Variants in CSMD3 observed in about 807,000 individuals in gnomAD.
The protein encoded by CSMD3 is CUB and Sushi multiple domains 3.
CSMD3 carries 177 observed loss-of-function variants against 435.2 expected under a neutral mutation model. The observed-to-expected ratio is 0.41, with a 90% CI of 0.36 to 0.46. CSMD3 has a LOEUF of 0.46. Ranked by LOEUF, CSMD3 falls within the 20% of genes least tolerant of loss-of-function variation. The pLI is 0.34. For synonymous variants in CSMD3, 1,656 were observed against 1,520.5 expected (o/e 1.09, Z -2.07); for missense variants, 4,265 against 4,504.6 (o/e 0.95, Z 1.52).
chr8:113,334,217 A>G (rs1048225170), intron 1 of CSMD3, among the ~76,000 whole-genome samples: 2 of 149,196 alleles, frequency 1.3e-5, no homozygotes. Flanking sequence ...ATTATTTTAG[A>G]TTCAGGGGGT....
intron 22 of CSMD3, among the ~76,000 whole-genome samples, chr8:112,599,744 T>C (rs1183774374): frequency 2.0e-5 from 3 of 151,222 alleles, no homozygotes. Context: ...TTGGAAATCA[T>C]CATTCTCAGT....
chr8:112,338,015 C>G (rs905427949), intron 42 of CSMD3, among the ~76,000 whole-genome samples: 3 of 152,212 alleles, frequency 2.0e-5, no homozygotes, highest in Non-Finnish European at 4.4e-5. Context: ...AAAATGTAAA[C>G]TCTTCTTAAA....
At chr8:113,285,079 A>T (rs1412774124) in intron 2 of CSMD3, among the ~76,000 whole-genome samples, 1 of 152,300 alleles carries the variant, frequency 6.6e-6, no homozygotes, top group Non-Finnish European at 1.5e-5. Flanking sequence ...ATAAAATTTT[A>T]ATCAGTTTTG....
In CSMD3 at chr8:112,737,725, A is replaced by G. The variant is rs546863267; in HGVS notation, c.1973-47675T>C. ...AAGTGGCTGAATGTGCTAAAAACAA[A>G]TCTGGACAACATAACAGCTGACCCT... On this transcript the variant is annotated intron_variant, in intron 13 of 70. Coordinates refer to ENST00000297405, the MANE Select transcript of CSMD3 (RefSeq NM_198123.2). Among the ~76,000 whole-genome samples, 9 of 152,012 alleles carry G rather than the reference A, an allele frequency of 5.9e-5. No homozygotes were observed. The East Asian group carries it at 1.4e-3, about 23-fold the overall frequency.
intron 18 of CSMD3, among the ~76,000 whole-genome samples, chr8:112,654,875 A>T (rs1776119284): frequency 6.6e-6 from 1 of 152,198 alleles, no homozygotes; most frequent in South Asian, 2.1e-4. Context: ...ATTAATTACT[A>T]GTGAGAATTA....
At chr8:112,838,929 C>T (rs1272118510) in intron 11 of CSMD3, among the ~76,000 whole-genome samples, 1 of 151,654 alleles carries the variant, frequency 6.6e-6, no homozygotes, top group Non-Finnish European at 1.5e-5. Context: ...TATGACACAT[C>T]AGAATTCCTT....
rs1156977209 is a variant in CSMD3 at position 113,334,975 on chromosome 8, T to A, written c.179-20182A>T. On this transcript the variant is annotated intron_variant, in intron 1 of 70. Transcript: ENST00000297405. Reference sequence around the variant, plus strand: ...TATGTCCTCACCAAATCAAATTATATCCCCAATGTTGGAGGTGGGGCCTGA... The same window carrying A: ...TATGTCCTCACCAAATCAAATTATAACCCCAATGTTGGAGGTGGGGCCTGA... Among the ~76,000 whole-genome samples, 3 of 152,196 alleles carry A rather than the reference T, an allele frequency of 2.0e-5. No individual in the cohort carries two copies. In the South Asian group the frequency reaches 6.2e-4, roughly 32 times the overall value.
chr8:112,433,292 G>A (rs1322580666), intron 32 of CSMD3, among the ~76,000 whole-genome samples: 3 of 151,886 alleles, frequency 2.0e-5, no homozygotes, highest in Admixed American at 6.6e-5. Flanking sequence ...TATCAGTTGT[G>A]TGGGACAGAA....
intron 6 of CSMD3, among the ~76,000 whole-genome samples, chr8:113,009,059 C>T (rs2086161714): frequency 6.6e-6 from 1 of 151,194 alleles, no homozygotes; most frequent in African/African-American, 2.4e-5. Context: ...ATTATTTTTG[C>T]CTATTTCTTA....
chr8:113,264,430 T>C (rs1408268094), intron 3 of CSMD3, among the ~76,000 whole-genome samples: 3 of 151,064 alleles, frequency 2.0e-5, no homozygotes, highest in Admixed American at 6.6e-5. Context: ...AGGAAATTCA[T>C]TGTGAAACAG....
chr8:112,226,011 T>G (rs1196600337), intron 70 of CSMD3, among the ~76,000 whole-genome samples: 1 of 152,200 alleles, frequency 6.6e-6, no homozygotes, highest in African/African-American at 2.4e-5. Context: ...TATCTTAAAA[T>G]AAATTTGTTT....
intron 13 of CSMD3, among the ~76,000 whole-genome samples, chr8:112,767,757 A>T (rs969174779): frequency 6.6e-6 from 1 of 151,734 alleles, no homozygotes; most frequent in African/African-American, 2.4e-5. Flanking sequence ...TAATTTTATC[A>T]TTAATATCAA....
intron 10 of CSMD3, among the ~76,000 whole-genome samples, chr8:112,919,346 GT>G (rs1382243827): frequency 6.6e-6 from 1 of 151,090 alleles, no homozygotes; most frequent in Non-Finnish European, 1.5e-5. Context: ...GTGCCATGGG[GT>G]TTATAAAAAA....
chr8:112,766,941 A>G (rs79378408), intron 13 of CSMD3, among the ~76,000 whole-genome samples: 3,557 of 151,966 alleles, frequency 0.023, 71 homozygotes, highest in Non-Finnish European at 0.038. Context: ...ACTACAAAAT[A>G]TAAATAGTGA....
chr8:112,813,157 A>G (rs927588217), intron 12 of CSMD3, among the ~76,000 whole-genome samples: 1 of 152,154 alleles, frequency 6.6e-6, no homozygotes, highest in African/African-American at 2.4e-5. Context: ...GACATGGACC[A>G]AGAGAGAGAA....
chr8:112,774,992 T>G (rs1306255848), intron 13 of CSMD3, among the ~76,000 whole-genome samples: 1 of 151,918 alleles, frequency 6.6e-6, no homozygotes, highest in Non-Finnish European at 1.5e-5. Flanking sequence ...TACTTATAGA[T>G]AGGCCTTTGG....
intron 13 of CSMD3, among the ~76,000 whole-genome samples, chr8:112,731,742 C>A (rs1245079109): frequency 3.3e-5 from 5 of 152,072 alleles, no homozygotes; most frequent in African/African-American, 1.2e-4. Flanking sequence ...CTTTTTACTT[C>A]TTTGGTGAAC....
At chr8:113,067,881 C>T (rs1354165953) in intron 5 of CSMD3, among the ~76,000 whole-genome samples, 1 of 152,078 alleles carries the variant, frequency 6.6e-6, no homozygotes, top group Non-Finnish European at 1.5e-5. Context: ...TCTCCCATAG[C>T]ATTATCCTAA....
At chr8:112,578,152 C>A (rs1258970027) in intron 23 of CSMD3, among the ~76,000 whole-genome samples, 1 of 151,896 alleles carries the variant, frequency 6.6e-6, no homozygotes, top group Non-Finnish European at 1.5e-5. Context: ...AGTCTCTATT[C>A]TAAAACTTTT....
Sources: gnomAD v4.1 joint callset for allele counts (sites outside exome capture counted in the v4.1 genomes callset) on GRCh38, gnomAD v4.1.1 for gene constraint, MANE v1.5 for transcripts, NCBI Gene and HGNC (gene_info 2026-07-23, HGNC 2026-07-21) for gene names.